PILRA: variants seen among roughly 807,000 people sequenced by gnomAD.
The protein encoded by PILRA is paired immunoglobulin-like type 2 receptor alpha.
PILRA carries 37 observed loss-of-function variants against 33.1 expected under a neutral mutation model. The ratio of observed to expected loss-of-function variants is 1.12; its 90% CI spans 0.86 to 1.47. The LOEUF (loss-of-function observed/expected upper bound fraction) is 1.47, where lower values mean the gene tolerates loss of function less well. Among genes scored for constraint, PILRA ranks in the 40% most tolerant of loss-of-function variants. The probability of loss-of-function intolerance (pLI) is 0.00; values close to 1 mark genes in which losing one functional copy is unlikely to be tolerated. For synonymous variants in PILRA, 146 were observed against 149.9 expected (o/e 0.97, Z 0.19); for missense variants, 312 against 376.2 (o/e 0.83, Z 1.41).
intron 3 of PILRA, among the ~76,000 whole-genome samples, chr7:100,397,329 A>G (rs1791520466): frequency 6.6e-6 from 1 of 151,966 alleles, no homozygotes; most frequent in South Asian, 2.1e-4. Context: ...GAGGGGCAGG[A>G]CACAATGGGA....
chr7:100,395,054 G>A lies in PILRA; in HGVS notation c.674-2825G>A, dbSNP rs772026185. On this transcript the variant is annotated intron_variant, in intron 3 of 6. Coordinates refer to ENST00000198536, the MANE Select transcript of PILRA (RefSeq NM_013439.3). Reference sequence around the variant, plus strand: ...AACCTATAGAATGGGGAAAATATTTGTAAATTATATATCTGATAAGGAGTG... The same window carrying A: ...AACCTATAGAATGGGGAAAATATTTATAAATTATATATCTGATAAGGAGTG... Among the ~76,000 whole-genome samples, 121 of 152,282 alleles carry A rather than the reference G, an allele frequency of 7.9e-4. No individual in the cohort carries two copies. The Middle Eastern group carries it at 0.014, about 17-fold the overall frequency.
chr7:100,379,681 A>T (rs1339460293), intron 2 of PILRA, among the ~76,000 whole-genome samples: 1 of 151,998 alleles, frequency 6.6e-6, no homozygotes, highest in East Asian at 1.9e-4. Context: ...AAAAAAAAAA[A>T]AAAAAAAAAA....
In PILRA at chr7:100,391,181, A is replaced by T. The variant is rs562569649; in HGVS notation, c.673+1075A>T. On this transcript the variant is annotated intron_variant, in intron 3 of 6. Coordinates refer to ENST00000198536, the MANE Select transcript of PILRA (RefSeq NM_013439.3). ...TAATAATAACAATAATAATAATAAT[A>T]ATAATTATTATTATTATTATTATTA... Among the ~76,000 whole-genome samples, 177 of 142,010 alleles carry T rather than the reference A, an allele frequency of 1.2e-3. 1 individual carries two copies. The highest frequency in any genetic ancestry group is 5.3e-3 in the South Asian group (24 of 4,528). 93.2% of individuals were successfully genotyped at this position (142,010 alleles called of 152,430 possible).
chr7:100,400,009 CAGG>C lies in PILRA; in HGVS notation c.*105_*107del. On this transcript the variant is annotated 3_prime_UTR_variant, in exon 7 of 7. Transcript: ENST00000198536. ...AGCCTGAGGCAGAATCAAGTGAGCC[CAGG>C]AGTTCAGGGCCAGCTTTGATAATGG... 8.2e-7 allele frequency: 1 copy of C among 1,225,648 alleles called. No individual in the cohort carries two copies. Among genetic ancestry groups the C allele is most frequent in the Non-Finnish European group, 1.1e-6 (1 of 912,550 alleles). The allele number at this position is 1,225,648 out of a possible 1,614,324, so 75.9% of individuals were successfully genotyped here.
In PILRA at chr7:100,374,190, T is replaced by C. The variant is rs879226235; in HGVS notation, c.211T>C (p.Trp71Arg). The stretch of plus-strand genomic sequence containing the variant: ...CACAGCTCCCGACGTGAGAATATCC[T>C]GGAGACGGGGCCACTTCCACAGGCA... Reference protein sequence around the residue: ...LATAPDVRISWRRGHFHRQSF... With the variant: ...LATAPDVRISRRRGHFHRQSF... The change falls in exon 2 of 7, where the codon TGG (tryptophan) becomes CGG (arginine). Residue 71 changes from tryptophan (W) to arginine (R), a missense_variant. Physicochemically the swap from Trp to Arg is moderately radical, Grantham distance 101. Transcript: ENST00000198536. 6.2e-7 allele frequency: 1 copy of C among 1,614,120 alleles called. No homozygotes were observed. Among genetic ancestry groups the C allele is most frequent in the Non-Finnish European group, 8.5e-7 (1 of 1,180,022 alleles).
rs1384043389 is a variant in PILRA, at chr7:100,373,580, G to A, written c.-77G>A. 1.3e-6 allele frequency: 2 copies of A among 1,542,496 alleles called. No individual in the cohort carries two copies. Among genetic ancestry groups the A allele is most frequent in the Non-Finnish European group, 8.9e-7 (1 of 1,119,640 alleles). ...CTCTCCTCACTCACCTCAACCCCCAGGCGGCCCCTCCACAGGGCCCCTCTC... is the reference window on the plus strand; with the variant it reads ...CTCTCCTCACTCACCTCAACCCCCAAGCGGCCCCTCCACAGGGCCCCTCTC... On this transcript the variant is annotated 5_prime_UTR_variant, in exon 1 of 7. Coordinates refer to ENST00000198536, the MANE Select transcript of PILRA (RefSeq NM_013439.3).
chr7:100,389,823 A>G, intron 2 of PILRA, 65 bp from the exon 3 acceptor site: 1 of 1,367,992 alleles, frequency 7.3e-7, no homozygotes, highest in Non-Finnish European at 1.0e-6. Flanking sequence ...GCAGCACACC[A>G]CGCCTTTCAC....
intron 3 of PILRA, among the ~76,000 whole-genome samples, chr7:100,395,296 C>G (rs143516733): frequency 6.6e-6 from 1 of 152,184 alleles, no homozygotes; most frequent in East Asian, 1.9e-4. Context: ...ACGGCTCTGC[C>G]AAACGGATTA....
chr7:100,387,001 TC>T (rs1791268568), intron 2 of PILRA, among the ~76,000 whole-genome samples: 1 of 152,342 alleles, frequency 6.6e-6, no homozygotes, highest in Non-Finnish European at 1.5e-5. Context: ...TTTTAAAACT[TC>T]CTAAGCATGG....
chr7:100,385,720 C>T (rs1044426628), intron 2 of PILRA, among the ~76,000 whole-genome samples: 1 of 152,176 alleles, frequency 6.6e-6, no homozygotes. Context: ...ACCTCTGCCT[C>T]CCGGGTTCAT....
At chr7:100,396,060 G>A (rs760449720) in intron 3 of PILRA, among the ~76,000 whole-genome samples, 1 of 152,102 alleles carries the variant, frequency 6.6e-6, no homozygotes, top group African/African-American at 2.4e-5. Context: ...GGAGGCAGAG[G>A]TTGCAGTGAG....
chr7:100,389,576 TAAAG>T (rs1448551672), intron 2 of PILRA, among the ~76,000 whole-genome samples: 1 of 139,144 alleles, frequency 7.2e-6, no homozygotes, highest in Non-Finnish European at 1.5e-5. Context: ...GAAATAAAAT[TAAAG>T]GAAGGAAGAA....
intron 2 of PILRA, among the ~76,000 whole-genome samples, chr7:100,384,732 G>A (rs1563118991): frequency 6.6e-6 from 1 of 152,144 alleles, no homozygotes; most frequent in Non-Finnish European, 1.5e-5. Flanking sequence ...AGGCTGCAGT[G>A]AGCCACGGTT....
At chr7:100,382,335 C>T (rs1244200974) in intron 2 of PILRA, among the ~76,000 whole-genome samples, 2 of 151,946 alleles carry the variant, frequency 1.3e-5, no homozygotes. Context: ...TGCATATGCA[C>T]CAATTGGCAC....
At chr7:100,383,975 TG>T (rs1315022016) in intron 2 of PILRA, among the ~76,000 whole-genome samples, 1 of 152,028 alleles carries the variant, frequency 6.6e-6, no homozygotes, top group Non-Finnish European at 1.5e-5. Context: ...CGCTATGGTA[TG>T]GAGGAAAAAA....
At chr7:100,380,242 G>A (rs1791058993) in intron 2 of PILRA, among the ~76,000 whole-genome samples, 1 of 152,178 alleles carries the variant, frequency 6.6e-6, no homozygotes, top group South Asian at 2.1e-4. Flanking sequence ...GGAAGCCTAA[G>A]GCTAGAGTCC....
intron 2 of PILRA, among the ~76,000 whole-genome samples, chr7:100,381,007 C>T (rs1225465234): frequency 6.6e-6 from 1 of 151,536 alleles, no homozygotes; most frequent in Non-Finnish European, 1.5e-5. Context: ...TGGCTCACGC[C>T]TGTAATCCCA....
At position 100,400,020 on chromosome 7, in the gene PILRA, G is replaced by A; in HGVS notation, c.*113G>A. 9.2e-7 allele frequency: 1 copy of A among 1,083,174 alleles called. No homozygotes were observed. The highest frequency in any genetic ancestry group is 2.7e-5 in the South Asian group (1 of 36,880). 67.1% of individuals were successfully genotyped at this position (1,083,174 alleles called of 1,614,324 possible). A position where few individuals can be genotyped will look rare whatever the true frequency, so the allele number is the denominator to read the frequency against. On this transcript the variant is annotated 3_prime_UTR_variant, in exon 7 of 7. Coordinates refer to ENST00000198536, the MANE Select transcript of PILRA (RefSeq NM_013439.3). Reference sequence around the variant, plus strand: ...GAATCAAGTGAGCCCAGGAGTTCAGGGCCAGCTTTGATAATGGAGCGAGAT... The same window carrying A: ...GAATCAAGTGAGCCCAGGAGTTCAGAGCCAGCTTTGATAATGGAGCGAGAT...
At chr7:100,372,793 G>C (rs1403516225), upstream of PILRA, among the ~76,000 whole-genome samples, 1 of 152,182 alleles carries the variant, frequency 6.6e-6, no homozygotes, top group African/African-American at 2.4e-5. Flanking sequence ...GGGTTGAGGG[G>C]GCTCCAGTCC....
Sources: gnomAD v4.1 joint callset for allele counts (sites outside exome capture counted in the v4.1 genomes callset) on GRCh38, gnomAD v4.1.1 for gene constraint, MANE v1.5 for transcripts, NCBI Gene and HGNC (gene_info 2026-07-23, HGNC 2026-07-21) for gene names.